PLXNA2: variants seen among roughly 807,000 people sequenced by gnomAD.
PLXNA2 encodes plexin A2.
In PLXNA2, 91 loss-of-function variants were observed where a neutral mutation model predicts 193.5. The ratio of observed to expected loss-of-function variants is 0.47; its 90% confidence interval spans 0.40 to 0.56. The LOEUF (loss-of-function observed/expected upper bound fraction) is 0.56. Ranked by LOEUF, PLXNA2 falls within the 20% of genes least tolerant of loss-of-function variation. PLXNA2 has a pLI of 0.00. For missense variants in PLXNA2, 1,995 were observed against 2,503.2 expected (o/e 0.80, Z 4.33); for synonymous variants, 997 against 1,027.3 (o/e 0.97, Z 0.56).
chr1:208,214,588 C>G (rs1030186907), intron 2 of PLXNA2, among the ~76,000 whole-genome samples: 10 of 152,186 alleles, frequency 6.6e-5, no homozygotes, highest in Non-Finnish European at 1.3e-4. Context: ...ATTTAGAGTA[C>G]TCAGAAGGTA....
chr1:208,071,916 C>A (rs957696431), intron 12 of PLXNA2, among the ~76,000 whole-genome samples: 3 of 152,160 alleles, frequency 2.0e-5, no homozygotes, highest in Admixed American at 2.0e-4. Context: ...TTTGGTGCAG[C>A]CTTGCAGATA....
intron 4 of PLXNA2, among the ~76,000 whole-genome samples, chr1:208,107,518 G>A (rs1571924017): frequency 1.3e-5 from 2 of 152,092 alleles, no homozygotes; most frequent in Non-Finnish European, 2.9e-5. Context: ...CCGCAGTCAG[G>A]AGCCACTTCA....
At chr1:208,103,925 C>A (rs115755723) in intron 4 of PLXNA2, among the ~76,000 whole-genome samples, 2,604 of 152,260 alleles carry the variant, frequency 0.017, 42 homozygotes, top group Non-Finnish European at 0.027. Context: ...AGCCCTTGCA[C>A]ACTCCTCCTG....
chr1:208,037,524 C>T (rs1357379675), intron 26 of PLXNA2, among the ~76,000 whole-genome samples: 3 of 152,172 alleles, frequency 2.0e-5, no homozygotes, highest in Admixed American at 2.0e-4. Flanking sequence ...TCCCACGGGT[C>T]TTGCAGCCTG....
At position 208,142,483 on chromosome 1, in the gene PLXNA2, G is replaced by A. The variant is rs1168998959; in HGVS notation, c.1372-20C>T. On this transcript the variant is annotated intron_variant, in intron 3 of 31. Transcript: ENST00000367033. ...CCGAATCTGTATGAGAAACAAGGGT[G>A]TCCTCAGCATCTGCCCTCAGTATTC... The A allele has an allele frequency of 6.3e-7, 1 of 1,588,866 alleles. No homozygotes were observed. Among genetic ancestry groups the A allele is most frequent in the Non-Finnish European group, 8.6e-7 (1 of 1,168,968 alleles).
chr1:208,035,529 G>A (rs1412369637), intron 26 of PLXNA2, among the ~76,000 whole-genome samples: 4 of 152,166 alleles, frequency 2.6e-5, no homozygotes, highest in Non-Finnish European at 5.9e-5. Flanking sequence ...GCGGATAAGT[G>A]AGGAGCCATA....
intron 12 of PLXNA2, among the ~76,000 whole-genome samples, chr1:208,064,821 C>G (rs1290629278): frequency 6.6e-6 from 1 of 152,060 alleles, no homozygotes; most frequent in Non-Finnish European, 1.5e-5. Flanking sequence ...TGAGCAGGAT[C>G]TTGCAGGACA....
chr1:208,217,119 G>T lies in PLXNA2; in HGVS notation c.804C>A (p.Ile268=). The part of the protein sequence containing the change: ...VQPETPEGVA[I]NSAGDLFYTS... ...TGTAGAAGAGGTCTCCAGCGGAGTT[G>T]ATGGCCACACCCTCAGGGGTCTCGG... The change falls in exon 2 of 32, where the codon ATC becomes ATA. Residue 268 remains isoleucine (I), a synonymous_variant. Transcript: ENST00000367033. The surrounding 1 kb of genome is among the most constrained non-coding windows in gnomAD (Gnocchi z 4.7). The T allele has an allele frequency of 6.2e-7, 1 of 1,614,170 alleles. No individual in the cohort carries two copies. The highest frequency in any genetic ancestry group is 8.5e-7 in the Non-Finnish European group (1 of 1,180,042).
Position 208,082,608 on chromosome 1 carries a change from C to T in PLXNA2, c.2299-100G>A, listed in dbSNP as rs1666384463. On this transcript the variant is annotated intron_variant, in intron 10 of 31. Transcript: ENST00000367033. This position sits in a 1 kb window ranked among gnomAD's most constrained non-coding sequence, Gnocchi z 4.2. The stretch of plus-strand genomic sequence containing the variant: ...GCATGCTGCTCAGATTATTATGACG[C>T]TCTTTCCCTGAATCCCAGTCACTAA... The T allele has an allele frequency of 1.3e-5, 11 of 834,120 alleles. No individual in the cohort carries two copies. The highest frequency in any genetic ancestry group is 1.3e-4 in the South Asian group (9 of 69,816). The allele number at this position is 834,120 out of a possible 1,614,324, so 51.7% of individuals were successfully genotyped here.
chr1:208,159,241 G>T (rs1669030431), intron 3 of PLXNA2, among the ~76,000 whole-genome samples: 1 of 152,242 alleles, frequency 6.6e-6, no homozygotes, highest in Non-Finnish European at 1.5e-5. Flanking sequence ...AACAGGCACT[G>T]CATTATCATC....
chr1:208,112,906 A>C (rs1266765340), intron 4 of PLXNA2, among the ~76,000 whole-genome samples: 1 of 151,728 alleles, frequency 6.6e-6, no homozygotes, highest in Non-Finnish European at 1.5e-5. Context: ...TACTCCAAAC[A>C]TCAAACCATA....
In PLXNA2 at chr1:208,228,274, A is replaced by G. The variant is rs576272209; in HGVS notation, c.-80-10272T>C. 4.6e-5 allele frequency among the ~76,000 whole-genome samples: 7 copies of G among 152,256 alleles called. No individual in the cohort carries two copies. The East Asian group carries it at 1.2e-3, about 25-fold the overall frequency. On this transcript the variant is annotated intron_variant, in intron 1 of 31. Transcript: ENST00000367033. ...TCCCAATCCCTGATGCTTCATCTCT[A>G]TCTCAGGGAGAGTGGCCATTAGTGC...
intron 3 of PLXNA2, among the ~76,000 whole-genome samples, chr1:208,147,142 C>T (rs2102491430): frequency 6.6e-6 from 1 of 152,312 alleles, no homozygotes; most frequent in South Asian, 2.1e-4. Flanking sequence ...CCTACTCAGC[C>T]ACCCAAGTAG....
In PLXNA2 at chr1:208,027,136, G is replaced by T; in HGVS notation, c.*107C>A. The T allele has an allele frequency of 9.7e-7, 1 of 1,034,744 alleles. No homozygotes were observed. The highest frequency in any genetic ancestry group is 1.5e-6 in the Non-Finnish European group (1 of 681,306). The allele number at this position is 1,034,744 out of a possible 1,614,324, so 64.1% of individuals were successfully genotyped here. A position where few individuals can be genotyped will look rare whatever the true frequency, so the allele number is the denominator to read the frequency against. On this transcript the variant is annotated 3_prime_UTR_variant, in exon 32 of 32. Transcript: ENST00000367033. ...CTCTCCCCAGGATGGGGTCTCAGGG[G>T]ACAGCAAGCTCTGGGGCCTGATCCC...
intron 14 of PLXNA2, 111 bp downstream of exon 14, chr1:208,054,310 G>C: frequency 1.4e-6 from 1 of 709,968 alleles, no homozygotes; most frequent in South Asian, 1.8e-5. Context: ...TCTCCTCCTT[G>C]GTCTGCAAGA....
At chr1:208,182,645 T>G (rs1400590314) in intron 3 of PLXNA2, among the ~76,000 whole-genome samples, 5 of 151,824 alleles carry the variant, frequency 3.3e-5, no homozygotes, top group Admixed American at 6.6e-5. Context: ...GAGGCGTATT[T>G]GCCATCACTC....
rs1664932575 is a variant in PLXNA2 at position 208,043,120 on chromosome 1, A to G, written c.3958T>C (p.Tyr1320His). 1 of 1,614,140 alleles carries G rather than the reference A, an allele frequency of 6.2e-7. No individual in the cohort carries two copies. The highest frequency in any genetic ancestry group is 8.5e-7 in the Non-Finnish European group (1 of 1,180,002). ...CCCGGGAACAGGACTCGCATAGCGT[A>G]GGTACGATAGTCCAGGTAAGGGATT... The part of the protein sequence containing the change: ...SGIPYLDYRT[Y>H]AMRVLFPGIE... The change falls in exon 21 of 32, where the codon TAC (tyrosine) becomes CAC (histidine). Residue 1320 changes from tyrosine to histidine, a missense_variant. Physicochemically the swap from Tyr to His is moderately conservative, Grantham distance 83 (BLOSUM62 2). This residue lies in a region of PLXNA2 where 1,291 missense variants were observed against 1,673.6 expected (regional missense o/e 0.77). Coordinates refer to ENST00000367033, the MANE Select transcript of PLXNA2 (RefSeq NM_025179.4).
Position 208,216,834 on chromosome 1 carries a change from G to T in PLXNA2, c.1089C>A (p.Ile363=), listed in dbSNP as rs775642126. Residue 363 remains isoleucine, a synonymous_variant, in exon 2 of 32, where the codon ATC becomes ATA. Transcript: ENST00000367033. The part of the protein sequence containing the change: ...SALCAFPIRA[I]NLQIKERLQS... ...GCAGGCGCTCCTTGATCTGCAAGTT[G>T]ATGGCCCGGATAGGGAAGGCACACA... 1.2e-6 allele frequency: 2 copies of T among 1,614,226 alleles called. No homozygotes were observed. Among genetic ancestry groups the T allele is most frequent in the East Asian group, 4.5e-5 (2 of 44,892 alleles).
At chr1:208,224,044 C>T (rs1408609026) in intron 1 of PLXNA2, among the ~76,000 whole-genome samples, 1 of 152,164 alleles carries the variant, frequency 6.6e-6, no homozygotes, top group Non-Finnish European at 1.5e-5. Context: ...GTCTTCATAT[C>T]CCTTGTGCAG....
Sources: allele counts gnomAD v4.1 joint callset (sites outside exome capture counted in the v4.1 genomes callset), GRCh38; gene constraint gnomAD v4.1.1; regional missense constraint gnomAD v4.1.1; non-coding constraint Gnocchi (gnomAD v3.1); transcripts MANE v1.5; gene names NCBI Gene and HGNC (gene_info 2026-07-23, HGNC 2026-07-21).